Variants in SCML2 observed in about 807,000 individuals in gnomAD.
SCML2 encodes the protein Scm polycomb group protein like 2.
A neutral mutation model predicts 48.4 loss-of-function variants in SCML2; 6 were observed. The ratio of observed to expected loss-of-function variants is 0.12; its 90% CI spans 0.07 to 0.24. The LOEUF (loss-of-function observed/expected upper bound fraction) is 0.24. Ranked by LOEUF, SCML2 falls within the 10% of genes least tolerant of loss-of-function variation. SCML2 has a pLI of 1.00. For synonymous variants in SCML2, 181 were observed against 189.5 expected, an observed-to-expected ratio of 0.95 and a Z score of 0.37; for missense variants, 377 against 528.2, an observed-to-expected ratio of 0.71 and a Z score of 2.81.
At chrX:18,298,043 T>G (rs1265159053) in intron 7 of SCML2, among the ~76,000 whole-genome samples, 2 of 109,378 alleles carry the variant, frequency 1.8e-5, no homozygotes, top group Non-Finnish European at 3.8e-5. Context: ...AGAAAACACT[T>G]AGGAAGAAAT....
chrX:18,284,832 G>C (rs1298990309), intron 7 of SCML2, among the ~76,000 whole-genome samples: 1 of 112,094 alleles, frequency 8.9e-6, no homozygotes, highest in African/African-American at 3.2e-5. Context: ...CCTGAGGTCA[G>C]GAGTTCAAGA....
Position 18,240,239 on chromosome X carries a change from C to T in SCML2, c.*1012G>A, listed in dbSNP as rs939201694. 5 of 111,629 alleles carry T rather than the reference C, an allele frequency of 4.5e-5. No homozygotes were observed. Among genetic ancestry groups the T allele is most frequent in the African/African-American group, 1.6e-4 (5 of 30,608 alleles). 9.2% of individuals were successfully genotyped at this position (111,629 alleles called of 1,213,427 possible). A position where few individuals can be genotyped will look rare whatever the true frequency, so the allele number is the denominator to read the frequency against. On this transcript the variant is annotated 3_prime_UTR_variant, in exon 15 of 15. Transcript: ENST00000251900. ...ACATCTAACTATATACATAGTTCAT[C>T]GTCACCTCTGTGGCAGTGCAAAGTG...
chrX:18,310,915 A>G (rs935842070), intron 6 of SCML2, among the ~76,000 whole-genome samples: 9 of 111,754 alleles, frequency 8.1e-5, no homozygotes, highest in African/African-American at 2.9e-4. Flanking sequence ...GCCTTCCTTC[A>G]GATCTTTACT....
chrX:18,267,707 T>C (rs5909438), intron 7 of SCML2, among the ~76,000 whole-genome samples: 22,432 of 107,327 alleles, frequency 0.21, 1,912 homozygotes, highest in Middle Eastern at 0.3. Context: ...TGCCTCAGCA[T>C]CCCGAGTAGC....
chrX:18,304,472 C>T (rs945091999), intron 7 of SCML2, among the ~76,000 whole-genome samples: 9 of 111,755 alleles, frequency 8.1e-5, no homozygotes, highest in Non-Finnish European at 1.3e-4. Flanking sequence ...ATGATGGCTT[C>T]CACAGAGTCA....
rs1178139057 is a variant in SCML2 at position 18,334,138 on chromosome X, A to G, written c.-24-43T>C. 7 of 929,876 alleles carry G rather than the reference A, an allele frequency of 7.5e-6. No homozygotes were observed. In the Admixed American group the frequency reaches 1.3e-4, roughly 18 times the overall value. 76.6% of individuals were successfully genotyped at this position (929,876 alleles called of 1,213,427 possible). Reference sequence around the variant, plus strand: ...AATTAATGCCTCCTTTTAGCATATTAGATTTCTGAAGGATAAGAAGTCAGT... The same window carrying G: ...AATTAATGCCTCCTTTTAGCATATTGGATTTCTGAAGGATAAGAAGTCAGT... On this transcript the variant is annotated intron_variant, in intron 1 of 14. Coordinates refer to ENST00000251900, the MANE Select transcript of SCML2 (RefSeq NM_006089.3).
intron 1 of SCML2, among the ~76,000 whole-genome samples, chrX:18,343,351 G>GA (rs753294369): frequency 1.7e-4 from 17 of 102,304 alleles, no homozygotes; most frequent in Admixed American, 8.5e-4. Flanking sequence ...TTTCACTAGG[G>GA]AAAAAAAAAA....
chrX:18,325,312 ATC>A (rs1929446798), intron 3 of SCML2, among the ~76,000 whole-genome samples: 2 of 112,184 alleles, frequency 1.8e-5, no homozygotes, highest in South Asian at 7.4e-4. Flanking sequence ...AAGTCTACCC[ATC>A]TGTCTCTAAT....
chrX:18,313,010 CGTGTGTGT>C (rs72363939), intron 6 of SCML2, among the ~76,000 whole-genome samples: 4 of 105,165 alleles, frequency 3.8e-5, no homozygotes, highest in Non-Finnish European at 7.8e-5. Flanking sequence ...TGTGTGTGCG[CGTGTGTGT>C]GTGTATGTGT....
chrX:18,343,923 T>TAAAA (rs1203495780), intron 1 of SCML2, among the ~76,000 whole-genome samples: 39 of 52,816 alleles, frequency 7.4e-4, no homozygotes, highest in Non-Finnish European at 9.0e-4. Context: ...TGCCTCTATT[T>TAAAA]AAAAAAAAAA....
At chrX:18,257,559 T>C (rs1394881749) in intron 10 of SCML2, among the ~76,000 whole-genome samples, 1 of 111,045 alleles carries the variant, frequency 9.0e-6, no homozygotes, top group African/African-American at 3.3e-5. Context: ...TCTATAAACA[T>C]ATAACTCCTA....
intron 8 of SCML2, among the ~76,000 whole-genome samples, chrX:18,264,309 C>T (rs1402231918): frequency 1.8e-5 from 2 of 111,167 alleles, no homozygotes; most frequent in African/African-American, 6.5e-5. Context: ...CCAGTCAATT[C>T]TGGTTAATTT....
intron 1 of SCML2, among the ~76,000 whole-genome samples, chrX:18,344,971 C>A (rs1390679666): frequency 9.0e-6 from 1 of 111,248 alleles, no homozygotes; most frequent in African/African-American, 3.3e-5. Context: ...TTAATGAATG[C>A]CTGGTACCCT....
chrX:18,258,295 G>T, intron 9 of SCML2, 48 bp from the exon 10 acceptor site: 1 of 998,126 alleles, frequency 1.0e-6, no homozygotes, highest in Non-Finnish European at 1.4e-6. Flanking sequence ...CTGATTAAAA[G>T]AAATTTTGTG....
At chrX:18,259,909 T>C (rs1046430106) in intron 9 of SCML2, among the ~76,000 whole-genome samples, 2 of 111,753 alleles carry the variant, frequency 1.8e-5, no homozygotes, top group East Asian at 2.8e-4. Flanking sequence ...ACAATGTAAA[T>C]TGCATAAATC....
chrX:18,299,734 C>CTTTT (rs145767290), intron 7 of SCML2, among the ~76,000 whole-genome samples: 1 of 97,055 alleles, frequency 1.0e-5, no homozygotes, highest in Non-Finnish European at 2.1e-5. Context: ...AAAGGGAACT[C>CTTTT]TTTTTTTTTT....
At chrX:18,350,994 C>T (rs377339062) in intron 1 of SCML2, among the ~76,000 whole-genome samples, 3 of 110,895 alleles carry the variant, frequency 2.7e-5, no homozygotes, top group East Asian at 2.8e-4. Context: ...CACGGCCGGG[C>T]GTGGTGGCTC....
At chrX:18,332,444 C>A (rs1385253871) in intron 2 of SCML2, among the ~76,000 whole-genome samples, 1 of 112,259 alleles carries the variant, frequency 8.9e-6, no homozygotes, top group East Asian at 2.8e-4. Context: ...CGTAACAGAT[C>A]TACTTACTAG....
chrX:18,316,012 G>A (rs1210710830), intron 6 of SCML2, among the ~76,000 whole-genome samples: 1 of 111,367 alleles, frequency 9.0e-6, no homozygotes, highest in Non-Finnish European at 1.9e-5. Context: ...AGGAACCTAA[G>A]TGAGTGGACC....
Sources: gnomAD v4.1 joint callset for allele counts (sites outside exome capture counted in the v4.1 genomes callset) on GRCh38, gnomAD v4.1.1 for gene constraint, MANE v1.5 for transcripts, NCBI Gene and HGNC (gene_info 2026-07-23, HGNC 2026-07-21) for gene names.